Variants in TRMT1L observed in about 807,000 individuals in gnomAD.
TRMT1L encodes the protein tRNA methyltransferase 1L, also known as tRNA (guanine(27)-N(2))-dimethyltransferase.
TRMT1L carries 28 observed loss-of-function variants against 81.6 expected under a neutral mutation model. The observed-to-expected ratio is 0.34, with a 90% CI of 0.25 to 0.47. The LOEUF is 0.47. Ranked by LOEUF, TRMT1L falls within the 20% of genes least tolerant of loss-of-function variation. The pLI, the probability that TRMT1L is intolerant of heterozygous loss-of-function variation, is 1.00. For synonymous variants in TRMT1L, 301 were observed against 303.2 expected (o/e 0.99, Z 0.07); for missense variants, 739 against 877.1 (o/e 0.84, Z 1.99).
chr1:185,120,134 T>C lies in TRMT1L; in HGVS notation c.2087A>G (p.Tyr696Cys). ...ATGGCTTTCTGACTGTCCTCCAGTG[T>C]AGGTGGGGGTGCTGTACTTTAAAAG... is the stretch of plus-strand genomic sequence containing the variant. Reference protein sequence around the residue: ...SILLKYSTPTYTGGQSESHVQ... With the variant: ...SILLKYSTPTCTGGQSESHVQ... Residue 696 changes from tyrosine to cysteine, a missense_variant, in exon 15 of 15, where the codon TAC (tyrosine) becomes TGC (cysteine). Around this residue, in one of 4 missense-constraint regions of TRMT1L, gnomAD observed 196 missense variants for 232.6 expected, o/e 0.84. Coordinates refer to ENST00000367506, the MANE Select transcript of TRMT1L (RefSeq NM_030934.5). The C allele has an allele frequency of 6.2e-7, 1 of 1,613,992 alleles. No homozygotes were observed. The highest frequency in any genetic ancestry group is 1.3e-5 in the African/African-American group (1 of 75,012).
At chr1:185,142,767 C>G (rs536308157) in intron 7 of TRMT1L, among the ~76,000 whole-genome samples, 2 of 151,548 alleles carry the variant, frequency 1.3e-5, no homozygotes, top group Non-Finnish European at 2.9e-5. Flanking sequence ...AAAATCTAGA[C>G]TGCGGGAAAC....
chr1:185,138,556 T>G (rs1019379694), intron 9 of TRMT1L, among the ~76,000 whole-genome samples: 2 of 152,284 alleles, frequency 1.3e-5, no homozygotes, highest in Non-Finnish European at 2.9e-5. Context: ...ATTATCTATA[T>G]TCACAATATC....
At position 185,137,684 on chromosome 1, in the gene TRMT1L, C is replaced by T. The variant is rs1557988401; in HGVS notation, c.1435G>A (p.Ala479Thr). Residue 479 changes from alanine (A) to threonine (T), a missense_variant, in exon 10 of 15, where the codon GCC becomes ACC. Ala to Thr is a moderately conservative substitution (Grantham distance 58, BLOSUM62 0). This residue lies in a region of TRMT1L where 331 missense variants were observed against 462.2 expected (regional missense o/e 0.72). Transcript: ENST00000367506. ...LRGPTSADET[A>T]KKIQYLIHCQ... ...TGGATCAGGTATTGAATCTTCTTGG[C>T]TGTTTCATCTGCTGAAGTAGGTCCC... 1.2e-6 allele frequency: 2 copies of T among 1,614,146 alleles called. No homozygotes were observed. The highest frequency in any genetic ancestry group is 1.7e-6 in the Non-Finnish European group (2 of 1,180,020).
intron 12 of TRMT1L, among the ~76,000 whole-genome samples, chr1:185,124,662 T>G (rs1159092161): frequency 6.6e-6 from 1 of 151,772 alleles, no homozygotes; most frequent in Non-Finnish European, 1.5e-5. Context: ...GCCACTTGTA[T>G]TCCAGCTTGG....
At chr1:185,128,803 A>G (rs1652697404) in intron 10 of TRMT1L, 56 bp from the exon 11 acceptor site, 1 of 1,382,202 alleles carries the variant, frequency 7.2e-7, no homozygotes, top group Non-Finnish European at 1.0e-6. Context: ...TACAAATAGT[A>G]GTAATTGTTA....
chr1:185,132,870 G>A (rs918017307), intron 10 of TRMT1L, among the ~76,000 whole-genome samples: 3 of 152,098 alleles, frequency 2.0e-5, no homozygotes, highest in Admixed American at 2.0e-4. Context: ...AAGTAAACAA[G>A]GAAAGTGGGA....
At chr1:185,144,558 T>C (rs932309445) in intron 5 of TRMT1L, among the ~76,000 whole-genome samples, 12 of 151,866 alleles carry the variant, frequency 7.9e-5, no homozygotes, top group Non-Finnish European at 1.2e-4. Context: ...ACAAATTACA[T>C]TGAAATGGCT....
At position 185,152,761 on chromosome 1, in the gene TRMT1L, T is replaced by C. The variant is rs1159680185; in HGVS notation, c.236-826A>G. Among the ~76,000 whole-genome samples, 3 of 152,082 alleles carry C rather than the reference T, an allele frequency of 2.0e-5. No individual in the cohort carries two copies. The East Asian group carries it at 5.8e-4, about 29-fold the overall frequency. On this transcript the variant is annotated intron_variant, in intron 1 of 14. Transcript: ENST00000367506. ...TTTGAGTTTATGTGGTTGAGAATAA[T>C]GGTATATTAAGCAAACAAGACAGAA...
intron 7 of TRMT1L, among the ~76,000 whole-genome samples, chr1:185,140,710 G>A (rs1338072894): frequency 6.6e-6 from 1 of 151,384 alleles, no homozygotes; most frequent in African/African-American, 2.4e-5. Flanking sequence ...CAGGTGAGAT[G>A]GCTCACACCT....
chr1:185,124,832 A>C, intron 12 of TRMT1L, 112 bp downstream of exon 12: 1 of 1,048,632 alleles, frequency 9.5e-7, no homozygotes, highest in South Asian at 2.2e-5. Context: ...TTTACTAAAA[A>C]CACACTATTT....
chr1:185,157,060 G>T (rs1375322015), upstream of TRMT1L: 5 of 293,994 alleles, frequency 1.7e-5, no homozygotes, highest in South Asian at 1.2e-4. Flanking sequence ...CCACCAAACC[G>T]AACAAAGACT....
At chr1:185,144,809 T>C (rs1653146386) in intron 5 of TRMT1L, among the ~76,000 whole-genome samples, 1 of 151,958 alleles carries the variant, frequency 6.6e-6, no homozygotes. Context: ...TACCCTTTTC[T>C]ACCCGTGAGG....
chr1:185,131,664 A>G (rs958666072), intron 10 of TRMT1L, among the ~76,000 whole-genome samples: 5 of 152,178 alleles, frequency 3.3e-5, no homozygotes, highest in South Asian at 2.1e-4. Flanking sequence ...AGAAATTTAA[A>G]TAAGAGTTGG....
At chr1:185,151,967 AAC>A (rs771822790) in intron 1 of TRMT1L, 32 bp from the exon 2 acceptor site, 5 of 1,383,678 alleles carry the variant, frequency 3.6e-6, no homozygotes, top group African/African-American at 2.9e-5. Context: ...ATTATGCTTT[AAC>A]AGTTTGTATT....
intron 3 of TRMT1L, among the ~76,000 whole-genome samples, chr1:185,147,795 A>T (rs1027160123): frequency 6.6e-6 from 1 of 152,008 alleles, no homozygotes; most frequent in African/African-American, 2.4e-5. Context: ...AGCTCCTTTC[A>T]CAATTCCAAT....
chr1:185,136,563 G>A (rs1056029841), intron 10 of TRMT1L, among the ~76,000 whole-genome samples: 3 of 152,106 alleles, frequency 2.0e-5, no homozygotes, highest in Non-Finnish European at 4.4e-5. Flanking sequence ...AAAAATCACA[G>A]TATCTATTCT....
At chr1:185,146,355 CA>C (rs1653188702) in intron 4 of TRMT1L, among the ~76,000 whole-genome samples, 1 of 151,986 alleles carries the variant, frequency 6.6e-6, no homozygotes, top group African/African-American at 2.4e-5. Flanking sequence ...TAGCTGAGAA[CA>C]AAAGACTGCT....
chr1:185,137,873 T>C, intron 9 of TRMT1L, 77 bp from the exon 10 acceptor site: 2 of 1,417,512 alleles, frequency 1.4e-6, no homozygotes, highest in Non-Finnish European at 1.9e-6. Flanking sequence ...AATATTAACC[T>C]GGACAGTATA....
chr1:185,133,181 C>T lies in TRMT1L; in HGVS notation c.1513+4425G>A, dbSNP rs145059877. Among the ~76,000 whole-genome samples, 426 of 152,138 alleles carry T rather than the reference C, an allele frequency of 2.8e-3. 2 individuals are homozygous for T. Among genetic ancestry groups the T allele is most frequent in the African/African-American group, 9.4e-3 (392 of 41,496 alleles). On this transcript the variant is annotated intron_variant, in intron 10 of 14. Transcript: ENST00000367506. ...CAGTAAGTATTAATTCCAGAGTTAC[C>T]GAAGAGTTGCATAAGAAAGGAAACA... is the stretch of plus-strand genomic sequence containing the variant.
Sources: gnomAD v4.1 joint callset for allele counts (sites outside exome capture counted in the v4.1 genomes callset) on GRCh38, gnomAD v4.1.1 for gene constraint, gnomAD v4.1.1 regional missense constraint, MANE v1.5 for transcripts, NCBI Gene and HGNC (gene_info 2026-07-23, HGNC 2026-07-21) for gene names.